Variants in SEC14L1 observed in about 807,000 individuals in gnomAD.
SEC14L1 encodes SEC14 like lipid binding 1.
Under a neutral mutation model 85.3 loss-of-function variants are expected in SEC14L1, and 48 were observed. That is an observed-to-expected ratio of 0.56 (90% CI 0.45 to 0.72). The LOEUF (loss-of-function observed/expected upper bound fraction) is 0.72. Ranked by LOEUF, SEC14L1 falls within the 30% of genes least tolerant of loss-of-function variation. The probability of loss-of-function intolerance (pLI) is 0.00; values close to 1 mark genes in which losing one functional copy is unlikely to be tolerated. For synonymous variants in SEC14L1, 391 were observed against 355.5 expected, an observed-to-expected ratio of 1.10 and a Z score of -1.12; for missense variants, 682 against 921.4, an observed-to-expected ratio of 0.74 and a Z score of 3.36.
intron 3 of SEC14L1, among the ~76,000 whole-genome samples, chr17:77,166,438 A>G (rs1003858360): frequency 2.6e-5 from 4 of 152,226 alleles, no homozygotes; most frequent in African/African-American, 9.6e-5. Flanking sequence ...CTGAAATAGA[A>G]TGGTAACTGG....
At chr17:77,141,393 T>A (rs1973034165) in intron 1 of SEC14L1, 1 of 142,670 alleles carries the variant, frequency 7.0e-6, no homozygotes, top group African/African-American at 2.6e-5. Flanking sequence ...CGCTTTTTGC[T>A]GAGAGCGGAG....
chr17:77,146,629 A>G (rs530943314), intron 3 of SEC14L1, among the ~76,000 whole-genome samples: 1 of 151,530 alleles, frequency 6.6e-6, no homozygotes, highest in Admixed American at 6.6e-5. Flanking sequence ...TTTATGATTT[A>G]AAACTTACTA....
In SEC14L1 at chr17:77,100,459, CAG is replaced by C. The variant is rs1422637537; in HGVS notation, c.-136+7115_-136+7116del. On this transcript the variant is annotated intron_variant, in intron 3 of 19. Transcript: ENST00000392476. ...TTTTTTTTTTTTTTTTTTTTTGAGA[CAG>C]AGTCTCACTCTGTTGCCCAGGCTGG... Among the ~76,000 whole-genome samples the C allele has an allele frequency of 6.9e-5, 6 of 87,578 alleles. No homozygotes were observed. In the East Asian group the frequency reaches 2.5e-3, roughly 37 times the overall value. The allele number at this position is 87,578 out of a possible 152,430, so 57.5% of individuals were successfully genotyped here.
chr17:77,200,804 T>C (rs1976097804), intron 9 of SEC14L1, 131 bp downstream of exon 9: 7 of 856,504 alleles, frequency 8.2e-6, no homozygotes, highest in Non-Finnish European at 1.1e-5. Flanking sequence ...CTCTGAGAAT[T>C]TGGCACCTTT....
At chr17:77,150,479 T>C (rs756280346) in intron 3 of SEC14L1, among the ~76,000 whole-genome samples, 7 of 152,244 alleles carry the variant, frequency 4.6e-5, no homozygotes, top group Non-Finnish European at 7.3e-5. Context: ...TGTGCATCTC[T>C]GTTAGATCAA....
chr17:77,110,441 A>G (rs1972020135), intron 3 of SEC14L1, among the ~76,000 whole-genome samples: 1 of 152,072 alleles, frequency 6.6e-6, no homozygotes, highest in African/African-American at 2.4e-5. Context: ...ATTTGAAGAG[A>G]TTTATTCTGA....
intron 3 of SEC14L1, among the ~76,000 whole-genome samples, chr17:77,189,912 G>A (rs975863158): frequency 6.6e-5 from 10 of 152,228 alleles, no homozygotes; most frequent in African/African-American, 2.4e-4. Context: ...ACAAGCGTGA[G>A]CCACCGCGCC....
intron 8 of SEC14L1, among the ~76,000 whole-genome samples, chr17:77,200,256 A>G (rs1598389335): frequency 1.3e-5 from 2 of 151,596 alleles, no homozygotes; most frequent in South Asian, 4.2e-4. Flanking sequence ...TGCAGCCTCC[A>G]CCTCCCAGGT....
At chr17:77,190,624 C>T (rs193071166) in intron 3 of SEC14L1, among the ~76,000 whole-genome samples, 179 bp from the exon 4 acceptor site, 93 of 152,278 alleles carry the variant, frequency 6.1e-4, no homozygotes, top group African/African-American at 2.1e-3. Context: ...TTGAATCTTC[C>T]GATCCATGGA....
At chr17:77,194,570 TG>T in intron 6 of SEC14L1, 106 bp from the exon 7 acceptor site, 1 of 792,038 alleles carries the variant, frequency 1.3e-6, no homozygotes, top group Non-Finnish European at 2.0e-6. Flanking sequence ...AAAAAGATTG[TG>T]AGGCTCACCA....
At chr17:77,211,264 C>G (rs539981120) in intron 14 of SEC14L1, 1 of 152,738 alleles carries the variant, frequency 6.5e-6, no homozygotes, top group African/African-American at 2.4e-5. Flanking sequence ...TTTTCAGTGA[C>G]TGCAGAACTC....
chr17:77,130,376 GCGCTGTCT>G (rs2143442985), intron 3 of SEC14L1, among the ~76,000 whole-genome samples: 1 of 152,134 alleles, frequency 6.6e-6, no homozygotes, highest in South Asian at 2.1e-4. Flanking sequence ...GAGTGCAGTG[GCGCTGTCT>G]CGGCTCACTG....
chr17:77,201,550 A>G (rs62078339), intron 9 of SEC14L1, among the ~76,000 whole-genome samples: 24,336 of 151,222 alleles, frequency 0.16, 2,366 homozygotes, highest in Middle Eastern at 0.22. Context: ...TTCCGGGTTC[A>G]AGCAATTCTC....
At chr17:77,145,099 ATG>A (rs60478156) in intron 3 of SEC14L1, 7,474 of 114,144 alleles carry the variant, frequency 0.065, 457 homozygotes, top group African/African-American at 0.17. Flanking sequence ...GTGTGTATGT[ATG>A]TGTGTGTGTG....
chr17:77,149,474 T>C (rs1973459727), intron 3 of SEC14L1, among the ~76,000 whole-genome samples: 1 of 152,134 alleles, frequency 6.6e-6, no homozygotes, highest in African/African-American at 2.4e-5. Context: ...TGGGAGGATT[T>C]CTTGAGGTTC....
chr17:77,207,656 C>T (rs1214005476), intron 13 of SEC14L1, among the ~76,000 whole-genome samples: 3 of 152,076 alleles, frequency 2.0e-5, no homozygotes, highest in Non-Finnish European at 4.4e-5. Flanking sequence ...TTCACCATGT[C>T]AGCCAGGCTG....
intron 3 of SEC14L1, among the ~76,000 whole-genome samples, chr17:77,109,668 T>G (rs1353714565): frequency 6.6e-6 from 1 of 152,234 alleles, no homozygotes; most frequent in Non-Finnish European, 1.5e-5. Flanking sequence ...GAGAACGAAC[T>G]GAAACTAACT....
chr17:77,209,261 G>T, intron 13 of SEC14L1, 81 bp from the exon 14 acceptor site: 2 of 1,540,228 alleles, frequency 1.3e-6, no homozygotes, highest in Non-Finnish European at 8.9e-7. Flanking sequence ...AGTGCAGGGG[G>T]ATAGTGCTGG....
chr17:77,121,381 CAG>C (rs1972292331), intron 3 of SEC14L1, among the ~76,000 whole-genome samples: 1 of 152,068 alleles, frequency 6.6e-6, no homozygotes, highest in African/African-American at 2.4e-5. Flanking sequence ...TTTTTTGAGA[CAG>C]AGTCTTCCTC....
Sources: gnomAD v4.1 joint callset for allele counts (sites outside exome capture counted in the v4.1 genomes callset) on GRCh38, gnomAD v4.1.1 for gene constraint, MANE v1.5 for transcripts, NCBI Gene and HGNC (gene_info 2026-07-23, HGNC 2026-07-21) for gene names.